NCAM2: variants seen among roughly 807,000 people sequenced by gnomAD.
The protein encoded by NCAM2 is N-CAM-2.
Under a neutral mutation model 98.1 loss-of-function variants are expected in NCAM2, and 30 were observed. That is an observed-to-expected ratio of 0.31 (90% CI 0.23 to 0.41). The LOEUF (loss-of-function observed/expected upper bound fraction) is 0.41. Ranked by LOEUF, NCAM2 falls within the 10% of genes least tolerant of loss-of-function variation. The pLI is 1.00. For missense variants in NCAM2, 867 were observed against 1,005.8 expected, an observed-to-expected ratio of 0.86 and a Z score of 1.87; for synonymous variants, 368 against 342.4, an observed-to-expected ratio of 1.07 and a Z score of -0.83.
intron 7 of NCAM2, among the ~76,000 whole-genome samples, chr21:21,336,580 C>G (rs1453449096): frequency 6.6e-6 from 1 of 151,928 alleles, no homozygotes; most frequent in African/African-American, 2.4e-5. Context: ...AAAGAAGGAC[C>G]AGTGTTTGCA....
chr21:21,450,793 TACACACACACACACACAC>T (rs71195329), intron 12 of NCAM2, among the ~76,000 whole-genome samples: 31 of 143,412 alleles, frequency 2.2e-4, no homozygotes, highest in African/African-American at 4.8e-4. Flanking sequence ...TATGTATGTA[TACACACACACACACACAC>T]ACACACACAC....
intron 1 of NCAM2, 39 bp downstream of exon 1, chr21:20,998,657 C>G (rs184206041): frequency 1.9e-6 from 3 of 1,593,692 alleles, no homozygotes; most frequent in Non-Finnish European, 8.6e-7. Flanking sequence ...CTTTCCCTCC[C>G]CCTTCCACCC....
At chr21:21,355,541 A>T in intron 8 of NCAM2, among the ~76,000 whole-genome samples, 1 of 132,280 alleles carries the variant, frequency 7.6e-6, no homozygotes, top group African/African-American at 2.7e-5. Context: ...AGGGAGGGAG[A>T]GAGGGAGGGA....
chr21:21,198,030 C>G (rs1224858927), intron 1 of NCAM2, among the ~76,000 whole-genome samples: 1 of 152,124 alleles, frequency 6.6e-6, no homozygotes, highest in East Asian at 1.9e-4. Flanking sequence ...CCTACTTTAC[C>G]TGGTTCATAT....
At chr21:21,107,321 T>C (rs1335583672) in intron 1 of NCAM2, among the ~76,000 whole-genome samples, 1 of 152,008 alleles carries the variant, frequency 6.6e-6, no homozygotes, top group East Asian at 1.9e-4. Flanking sequence ...TAAATGGTGG[T>C]GCAAAAAAAT....
chr21:21,273,956 G>A (rs1490465641), intron 1 of NCAM2, among the ~76,000 whole-genome samples: 6 of 151,876 alleles, frequency 4.0e-5, no homozygotes, highest in South Asian at 4.2e-4. Flanking sequence ...ACCTGAGGTC[G>A]GGAGTTTGAG....
chr21:21,169,612 G>T (rs2146834702), intron 1 of NCAM2, among the ~76,000 whole-genome samples: 1 of 152,140 alleles, frequency 6.6e-6, no homozygotes, highest in South Asian at 2.1e-4. Context: ...TCAATAACTT[G>T]ATTAAAAATG....
chr21:21,039,529 A>G (rs2064863432), intron 1 of NCAM2, among the ~76,000 whole-genome samples: 1 of 152,244 alleles, frequency 6.6e-6, no homozygotes, highest in African/African-American at 2.4e-5. Context: ...TACACAGTCT[A>G]TACATGTAAT....
chr21:21,029,924 C>G (rs958825320), intron 1 of NCAM2, among the ~76,000 whole-genome samples: 1 of 152,116 alleles, frequency 6.6e-6, no homozygotes, highest in African/African-American at 2.4e-5. Context: ...CCACCACAGC[C>G]AGCCACAGTT....
chr21:21,255,086 A>G (rs1397339816), intron 1 of NCAM2, among the ~76,000 whole-genome samples: 1 of 152,188 alleles, frequency 6.6e-6, no homozygotes, highest in Non-Finnish European at 1.5e-5. Flanking sequence ...TATCAGAATA[A>G]TATTAACAAT....
chr21:21,369,772 T>G (rs1458111013), intron 8 of NCAM2, among the ~76,000 whole-genome samples: 1 of 151,874 alleles, frequency 6.6e-6, no homozygotes, highest in Admixed American at 6.6e-5. Context: ...GTCTTGTTTA[T>G]TTCTCTAACT....
intron 1 of NCAM2, among the ~76,000 whole-genome samples, chr21:21,056,519 T>C (rs139287123): frequency 0.053 from 7,938 of 149,046 alleles, 240 homozygotes; most frequent in East Asian, 0.095. Flanking sequence ...TGTGTGTGTG[T>C]GTGTGCATGA....
intron 8 of NCAM2, among the ~76,000 whole-genome samples, chr21:21,349,473 C>CT (rs1352817044): frequency 6.6e-6 from 1 of 152,108 alleles, no homozygotes; most frequent in Non-Finnish European, 1.5e-5. Flanking sequence ...TTTGTACACT[C>CT]TGAGTGGGGA....
chr21:21,191,298 G>A (rs905934957), intron 1 of NCAM2, among the ~76,000 whole-genome samples: 2 of 152,132 alleles, frequency 1.3e-5, no homozygotes, highest in Non-Finnish European at 2.9e-5. Context: ...TTGTAATGAT[G>A]TTCTGATTAT....
At chr21:21,341,633 A>G (rs1391437874) in intron 8 of NCAM2, among the ~76,000 whole-genome samples, 2 of 152,178 alleles carry the variant, frequency 1.3e-5, no homozygotes, top group Admixed American at 1.3e-4. Context: ...TTCATCTAAC[A>G]ACATGGCAAT....
At chr21:21,147,073 T>TCATAC (rs2067299024) in intron 1 of NCAM2, 1 of 968,350 alleles carries the variant, frequency 1.0e-6, no homozygotes, top group Non-Finnish European at 1.2e-6. Flanking sequence ...ACTCCGGAAC[T>TCATAC]GATACCCTTT....
intron 15 of NCAM2, among the ~76,000 whole-genome samples, chr21:21,492,846 G>A (rs1986944126): frequency 6.6e-6 from 1 of 151,852 alleles, no homozygotes; most frequent in Non-Finnish European, 1.5e-5. Flanking sequence ...CTGTTTAAAT[G>A]TGGTTAAATA....
At position 21,391,952 on chromosome 21, in the gene NCAM2, CTT is replaced by C. The variant is rs2076390073; in HGVS notation, c.1195+17942_1195+17943del. 2.6e-5 allele frequency among the ~76,000 whole-genome samples: 4 copies of C among 152,166 alleles called. No individual in the cohort carries two copies. The South Asian group carries it at 8.3e-4, about 32-fold the overall frequency. ...AAAAAAAATTCTTATTTTTAAAAAA[CTT>C]TTAAATTCAGGGGTACAAGTACTGG... On this transcript the variant is annotated intron_variant, in intron 9 of 17. Transcript: ENST00000400546.
chr21:21,348,595 T>C (rs1017586651), intron 8 of NCAM2, among the ~76,000 whole-genome samples: 5 of 127,414 alleles, frequency 3.9e-5, no homozygotes, highest in Non-Finnish European at 8.6e-5. Flanking sequence ...TAGAAAAAAC[T>C]TTCTAAAATT....
Sources: allele counts gnomAD v4.1 joint callset (sites outside exome capture counted in the v4.1 genomes callset), GRCh38; gene constraint gnomAD v4.1.1; transcripts MANE v1.5; gene names NCBI Gene and HGNC (gene_info 2026-07-23, HGNC 2026-07-21).